The following PLCE1 variants were observed in gnomAD, a reference collection of about 807,000 sequenced individuals.
The protein encoded by PLCE1 is phospholipase C epsilon 1, also known as 1-phosphatidylinositol 4,5-bisphosphate phosphodiesterase epsilon-1.
In PLCE1, 119 loss-of-function variants were observed where a neutral mutation model predicts 242.8. The ratio of observed to expected loss-of-function variants is 0.49; its 90% CI spans 0.42 to 0.57. The LOEUF is 0.57. PLCE1 is among the 20% of genes least tolerant of loss of function. The pLI is 0.00. For missense variants in PLCE1, 2,441 were observed against 2,788.8 expected (o/e 0.88, Z 2.81); for synonymous variants, 945 against 1,017.4 (o/e 0.93, Z 1.35).
intron 4 of PLCE1, among the ~76,000 whole-genome samples, chr10:94,213,664 T>C (rs1278540043): frequency 6.6e-6 from 1 of 152,188 alleles, no homozygotes; most frequent in Non-Finnish European, 1.5e-5. Flanking sequence ...TTGAAAGAAA[T>C]GAAGGATCAT....
rs139426667 is a variant in PLCE1, at chr10:94,067,439, A to T, written c.1206+35187A>T. On this transcript the variant is annotated intron_variant, in intron 2 of 32. Coordinates refer to ENST00000371380, the MANE Select transcript of PLCE1 (RefSeq NM_016341.4). ...GCCAGAAAGACCTCTTCATAATGCA[A>T]ATCTGATCATCTCATTCATTCCTTG... 5.5e-3 allele frequency among the ~76,000 whole-genome samples: 845 copies of T among 152,290 alleles called. 8 individuals carry two copies. The highest frequency in any genetic ancestry group is 0.02 in the African/African-American group (814 of 41,564).
intron 1 of PLCE1, among the ~76,000 whole-genome samples, chr10:93,998,402 A>T (rs2060870022): frequency 6.6e-6 from 1 of 152,044 alleles, no homozygotes; most frequent in Non-Finnish European, 1.5e-5. Context: ...TGAGGCCCCT[A>T]ATGATCTTTC....
At chr10:94,238,792 T>C (rs1229947044) in intron 7 of PLCE1, among the ~76,000 whole-genome samples, 1 of 152,168 alleles carries the variant, frequency 6.6e-6, no homozygotes, top group Non-Finnish European at 1.5e-5. Flanking sequence ...CAAGTTCTTA[T>C]TGTCATCATT....
intron 2 of PLCE1, among the ~76,000 whole-genome samples, chr10:94,043,794 A>T (rs1251304728): frequency 6.6e-6 from 1 of 152,214 alleles, no homozygotes; most frequent in Non-Finnish European, 1.5e-5. Context: ...AAATATGGGC[A>T]GTGTAATGAT....
At chr10:94,071,919 C>G (rs1052203527) in intron 2 of PLCE1, among the ~76,000 whole-genome samples, 1 of 151,984 alleles carries the variant, frequency 6.6e-6, no homozygotes, top group African/African-American at 2.4e-5. Context: ...TTTAACGTTT[C>G]TCTTTCATTT....
At chr10:94,257,266 A>G (rs1589430425) in intron 11 of PLCE1, among the ~76,000 whole-genome samples, 1 of 151,368 alleles carries the variant, frequency 6.6e-6, no homozygotes, top group South Asian at 2.1e-4. Flanking sequence ...TTTTTAGATT[A>G]TATATTTAAT....
intron 3 of PLCE1, among the ~76,000 whole-genome samples, chr10:94,164,962 C>G (rs967632036): frequency 6.6e-6 from 1 of 152,186 alleles, no homozygotes; most frequent in African/African-American, 2.4e-5. Flanking sequence ...TATTGGTGAA[C>G]AGCAAATGTT....
At chr10:94,203,111 A>G (rs530450112) in intron 4 of PLCE1, among the ~76,000 whole-genome samples, 6 of 152,196 alleles carry the variant, frequency 3.9e-5, no homozygotes, top group Non-Finnish European at 8.8e-5. Flanking sequence ...CTCAATTTAC[A>G]GGATTTGGAA....
intron 4 of PLCE1, among the ~76,000 whole-genome samples, chr10:94,194,806 A>G (rs1564776812): frequency 2.0e-5 from 3 of 152,264 alleles, no homozygotes; most frequent in Non-Finnish European, 4.4e-5. Context: ...CAAGCACTCA[A>G]TAACTAATGA....
At chr10:94,152,793 G>C (rs926026979) in intron 3 of PLCE1, among the ~76,000 whole-genome samples, 1 of 152,066 alleles carries the variant, frequency 6.6e-6, no homozygotes, top group African/African-American at 2.4e-5. Flanking sequence ...TCCTTTTATA[G>C]GGGAAAAAAT....
In PLCE1 at chr10:94,153,777, G is replaced by A. The variant is rs201511572; in HGVS notation, c.1493-17403G>A. On this transcript the variant is annotated intron_variant, in intron 3 of 32. Transcript: ENST00000371380. ...TCAAGAAAAAAATCCATTTATAGTA[G>A]TATGAAAACGAAGCAAATACTTAGG... 2.0e-5 allele frequency among the ~76,000 whole-genome samples: 3 copies of A among 152,226 alleles called. No homozygotes were observed. The East Asian group carries it at 5.8e-4, about 29-fold the overall frequency.
chr10:94,279,296 A>G (rs1451182965), intron 19 of PLCE1: 4 of 169,616 alleles, frequency 2.4e-5, no homozygotes, highest in Non-Finnish European at 3.8e-5. Context: ...AAACAATTTT[A>G]TTTAAACCAA....
At chr10:94,270,388 A>G in intron 17 of PLCE1, 98 bp from the exon 18 acceptor site, 1 of 828,768 alleles carries the variant, frequency 1.2e-6, no homozygotes, top group South Asian at 1.3e-5. Flanking sequence ...AGTCTGCTGC[A>G]TGTAACAATT....
At position 94,328,893 on chromosome 10, in the gene PLCE1, ATAATT is replaced by A. The variant is rs1373199499; in HGVS notation, c.*955_*959del. 1.3e-5 allele frequency: 2 copies of A among 152,230 alleles called. No individual in the cohort carries two copies. The highest frequency in any genetic ancestry group is 2.4e-5 in the African/African-American group (1 of 41,458). 9.4% of individuals were successfully genotyped at this position (152,230 alleles called of 1,614,324 possible). The stretch of plus-strand genomic sequence containing the variant: ...TTTCAAAATGAATTTAGAATGACGT[ATAATT>A]TAATATCTACTGAATTGCAATGTCT... On this transcript the variant is annotated 3_prime_UTR_variant, in exon 33 of 33. Transcript: ENST00000371380.
At chr10:94,223,117 A>C (rs1253054810) in intron 4 of PLCE1, among the ~76,000 whole-genome samples, 1 of 150,462 alleles carries the variant, frequency 6.6e-6, no homozygotes, top group Non-Finnish European at 1.5e-5. Context: ...ATAAAATGCC[A>C]GGCCGTGTGT....
intron 2 of PLCE1, among the ~76,000 whole-genome samples, chr10:94,090,459 T>C (rs755842411): frequency 6.6e-5 from 10 of 152,192 alleles, no homozygotes; most frequent in Non-Finnish European, 1.3e-4. Context: ...AGAAATTGTG[T>C]CCGTGTCCTG....
intron 4 of PLCE1, among the ~76,000 whole-genome samples, chr10:94,172,501 G>A (rs2048016011): frequency 6.6e-6 from 1 of 152,130 alleles, no homozygotes; most frequent in African/African-American, 2.4e-5. Context: ...ATATATCTCT[G>A]ATTGTCTGAG....
chr10:94,064,635 C>A (rs2044150061), intron 2 of PLCE1, among the ~76,000 whole-genome samples: 1 of 152,136 alleles, frequency 6.6e-6, no homozygotes, highest in Non-Finnish European at 1.5e-5. Flanking sequence ...TGATCCTGGG[C>A]AAGTTTGACC....
At chr10:94,241,934 T>G (rs562996045) in intron 7 of PLCE1, among the ~76,000 whole-genome samples, 31 of 152,342 alleles carry the variant, frequency 2.0e-4, no homozygotes, top group Non-Finnish European at 2.4e-4. Context: ...GGCGCTGTGC[T>G]AAGTGCTTTC....
Sources: allele counts gnomAD v4.1 joint callset (sites outside exome capture counted in the v4.1 genomes callset), GRCh38; gene constraint gnomAD v4.1.1; transcripts MANE v1.5; gene names NCBI Gene and HGNC (gene_info 2026-07-23, HGNC 2026-07-21).